EPDR1: variants seen among roughly 807,000 people sequenced by gnomAD.
EPDR1 encodes the protein mammalian ependymin-related protein 1.
EPDR1 carries 27 observed loss-of-function variants against 23.7 expected under a neutral mutation model. The observed-to-expected ratio is 1.14, with a 90% CI of 0.84 to 1.57. The LOEUF (loss-of-function observed/expected upper bound fraction) is 1.57. Ranked by LOEUF, EPDR1 falls within the 40% of genes most tolerant of loss-of-function variation. The pLI is 0.00. For missense variants in EPDR1, 349 were observed against 290.4 expected, an observed-to-expected ratio of 1.20 and a Z score of -1.47; for synonymous variants, 137 against 118.2, an observed-to-expected ratio of 1.16 and a Z score of -1.03.
At position 37,921,070 on chromosome 7, in the gene EPDR1, C is replaced by A. The variant is rs1785686689; in HGVS notation, c.131C>A (p.Ala44Glu). 6.4e-7 allele frequency: 1 copy of A among 1,563,872 alleles called. No individual in the cohort carries two copies. The highest frequency in any genetic ancestry group is 8.6e-7 in the Non-Finnish European group (1 of 1,161,094). ...GAVGAPRPCQ[A>E]PQQWEGRQVM... The stretch of plus-strand genomic sequence containing the variant: ...GTGGGAGCCCCGCGCCCGTGCCAGG[C>A]GCCGCAGCAGTGGGAGGGGCGCCAG... The change falls in exon 1 of 3, where the codon GCG (alanine) becomes GAG (glutamate). Residue 44 changes from alanine (A) to glutamate (E), a missense_variant. Ala to Glu is a moderately radical substitution (Grantham distance 107). Transcript: ENST00000199448.
chr7:37,920,716 G>T lies in EPDR1; in HGVS notation c.-224G>T. The T allele has an allele frequency of 3.1e-6, 5 of 1,607,202 alleles. No homozygotes were observed. Among genetic ancestry groups the T allele is most frequent in the Non-Finnish European group, 4.3e-6 (5 of 1,176,214 alleles). ...AGTGGCCCAGGCAGAAATAGCTCCC[G>T]CGCGATTCACTGGAGCCTTCCCCGG... is the stretch of plus-strand genomic sequence containing the variant. On this transcript the variant is annotated 5_prime_UTR_variant, in exon 1 of 3. Coordinates refer to ENST00000199448, the MANE Select transcript of EPDR1 (RefSeq NM_017549.5).
intron 1 of EPDR1, among the ~76,000 whole-genome samples, chr7:37,935,991 G>T: frequency 1.9e-5 from 1 of 52,040 alleles, no homozygotes; most frequent in Non-Finnish European, 3.8e-5. Flanking sequence ...AGCAAATCAT[G>T]GCATATATAT....
At chr7:37,943,266 A>G (rs1786206243) in intron 1 of EPDR1, among the ~76,000 whole-genome samples, 1 of 152,202 alleles carries the variant, frequency 6.6e-6, no homozygotes, top group African/African-American at 2.4e-5. Flanking sequence ...GGTGCCTCTC[A>G]TCTCACAATT....
Position 37,949,013 on chromosome 7 carries a change from T to C in EPDR1, c.443T>C (p.Val148Ala). 1.9e-6 allele frequency: 3 copies of C among 1,614,162 alleles called. No homozygotes were observed. The highest frequency in any genetic ancestry group is 2.5e-6 in the Non-Finnish European group (3 of 1,180,024). Reference protein sequence around the residue: ...SIGGPQEQITVQEWSDRKSAR... With the variant: ...SIGGPQEQITAQEWSDRKSAR... ...GGGGGGCCTCAGGAGCAGATCACCG[T>C]CCAGGAGTGGTCGGACAGAAAGTCA... Residue 148 changes from valine to alanine, a missense_variant, in exon 2 of 3, where the codon GTC (valine) becomes GCC (alanine). By Grantham distance (64) the Val-to-Ala change is moderately conservative. Coordinates refer to ENST00000199448, the MANE Select transcript of EPDR1 (RefSeq NM_017549.5).
rs1786102301 is a variant in EPDR1 at position 37,938,348 on chromosome 7, A to T, written c.270-10492A>T. ...AGAAGTCAGAGGGAGCCAAATCAGG[A>T]CTGTCAAGTGGATGATTAATGATTT... is the stretch of plus-strand genomic sequence containing the variant. On this transcript the variant is annotated intron_variant, in intron 1 of 2. Coordinates refer to ENST00000199448, the MANE Select transcript of EPDR1 (RefSeq NM_017549.5). 2.0e-5 allele frequency among the ~76,000 whole-genome samples: 3 copies of T among 152,252 alleles called. No homozygotes were observed. The South Asian group carries it at 6.2e-4, about 32-fold the overall frequency.
At chr7:37,938,165 T>G (rs1317876305) in intron 1 of EPDR1, among the ~76,000 whole-genome samples, 1 of 151,782 alleles carries the variant, frequency 6.6e-6, no homozygotes, top group Non-Finnish European at 1.5e-5. Context: ...TAATTTTTTG[T>G]ATTTTTAGTG....
At chr7:37,942,785 A>G (rs931963104) in intron 1 of EPDR1, among the ~76,000 whole-genome samples, 1 of 152,176 alleles carries the variant, frequency 6.6e-6, no homozygotes, top group Non-Finnish European at 1.5e-5. Flanking sequence ...GTTTTACTAA[A>G]AAAAAACTAT....
At chr7:37,930,681 G>A (rs903021977) in intron 1 of EPDR1, among the ~76,000 whole-genome samples, 4 of 152,192 alleles carry the variant, frequency 2.6e-5, no homozygotes, top group African/African-American at 9.7e-5. Flanking sequence ...CTCTCCTTAA[G>A]GAGTTAGGAA....
At chr7:37,942,578 G>A (rs535103291) in intron 1 of EPDR1, among the ~76,000 whole-genome samples, 1 of 152,190 alleles carries the variant, frequency 6.6e-6, no homozygotes, top group South Asian at 2.1e-4. Context: ...GTACATTTTT[G>A]TCACATGTAT....
At chr7:37,927,197 G>A (rs1583662530) in intron 1 of EPDR1, among the ~76,000 whole-genome samples, 1 of 152,254 alleles carries the variant, frequency 6.6e-6, no homozygotes, top group South Asian at 2.1e-4. Context: ...CTGCTACCAG[G>A]TCCTCTCAAT....
Position 37,921,253 on chromosome 7 carries a change from G to T in EPDR1, c.269+45G>T, listed in dbSNP as rs575597733. ...GGGGCGGGAGTAGGGAGCCGCGCGG[G>T]CATGGGGAGGGCGAGGTCGCAGAGG... is the stretch of plus-strand genomic sequence containing the variant. On this transcript the variant is annotated intron_variant, in intron 1 of 2. Coordinates refer to ENST00000199448, the MANE Select transcript of EPDR1 (RefSeq NM_017549.5). 7.2e-6 allele frequency: 11 copies of T among 1,536,790 alleles called. No homozygotes were observed. The South Asian group carries it at 1.3e-4, about 19-fold the overall frequency.
In EPDR1 at chr7:37,920,938, C is replaced by T. The variant is rs530778430; in HGVS notation, c.-2C>T. On this transcript the variant is annotated 5_prime_UTR_variant, in exon 1 of 3. Coordinates refer to ENST00000199448, the MANE Select transcript of EPDR1 (RefSeq NM_017549.5). ...CCCTCGGGCCGGGGAAGGCTGACCG[C>T]GATGCCAGGACGCGCTCCCCTCCGC... 72 of 1,607,782 alleles carry T rather than the reference C, an allele frequency of 4.5e-5. No homozygotes were observed. In the African/African-American group the frequency reaches 6.4e-4, roughly 14 times the overall value.
chr7:37,925,424 T>C (rs954657080), intron 1 of EPDR1, among the ~76,000 whole-genome samples: 1 of 152,228 alleles, frequency 6.6e-6, no homozygotes, highest in Non-Finnish European at 1.5e-5. Context: ...TATTAAGGAT[T>C]TGTATTTGTA....
At chr7:37,923,482 G>T (rs1387831858) in intron 1 of EPDR1, among the ~76,000 whole-genome samples, 2 of 152,032 alleles carry the variant, frequency 1.3e-5, no homozygotes, top group Non-Finnish European at 2.9e-5. Flanking sequence ...CTTGCAACAG[G>T]GCTTGACTTT....
chr7:37,929,069 C>T (rs1055999773), intron 1 of EPDR1, among the ~76,000 whole-genome samples: 2 of 152,168 alleles, frequency 1.3e-5, no homozygotes, highest in East Asian at 3.9e-4. Flanking sequence ...GGCCTCAGCA[C>T]GCTGACCCCA....
At chr7:37,933,245 C>A (rs1050192943) in intron 1 of EPDR1, among the ~76,000 whole-genome samples, 1 of 152,172 alleles carries the variant, frequency 6.6e-6, no homozygotes, top group African/African-American at 2.4e-5. Flanking sequence ...TATTATAGTG[C>A]GTATTAAACA....
At position 37,920,761 on chromosome 7, in the gene EPDR1, G is replaced by T; in HGVS notation, c.-179G>T. On this transcript the variant is annotated 5_prime_UTR_variant, in exon 1 of 3. Coordinates refer to ENST00000199448, the MANE Select transcript of EPDR1 (RefSeq NM_017549.5). Reference sequence around the variant, plus strand: ...CCCCGGGCCCTGGTCCCGGCTACCGGGACTCGCGCGTCCGGATCTCAAAAG... The same window carrying T: ...CCCCGGGCCCTGGTCCCGGCTACCGTGACTCGCGCGTCCGGATCTCAAAAG... 6.2e-7 allele frequency: 1 copy of T among 1,609,626 alleles called. No individual in the cohort carries two copies. Among genetic ancestry groups the T allele is most frequent in the Non-Finnish European group, 8.5e-7 (1 of 1,177,740 alleles).
chr7:37,921,136 T>G lies in EPDR1; in HGVS notation c.197T>G (p.Leu66Arg). Residue 66 changes from leucine (L) to arginine (R), a missense_variant, in exon 1 of 3, where the codon CTG (leucine) becomes CGG (arginine). Leu to Arg is a moderately radical substitution (Grantham distance 102). Coordinates refer to ENST00000199448, the MANE Select transcript of EPDR1 (RefSeq NM_017549.5). The stretch of plus-strand genomic sequence containing the variant: ...AGTAGCGGGCGCAACAGCCGCGCCC[T>G]GCTCTCCTACGACGGGCTCAACCAG... ...QQSSGRNSRALLSYDGLNQRV... is the reference protein window; with the variant it reads ...QQSSGRNSRARLSYDGLNQRV... 1 of 1,596,274 alleles carries G rather than the reference T, an allele frequency of 6.3e-7. No homozygotes were observed. Among genetic ancestry groups the G allele is most frequent in the Non-Finnish European group, 8.5e-7 (1 of 1,178,780 alleles).
chr7:37,949,140 A>G, intron 2 of EPDR1, 92 bp downstream of exon 2: 1 of 1,271,766 alleles, frequency 7.9e-7, no homozygotes, highest in South Asian at 1.4e-5. Context: ...TTAGGGAAAC[A>G]TCCGCTTAAT....
Sources: allele counts gnomAD v4.1 joint callset (sites outside exome capture counted in the v4.1 genomes callset), GRCh38; gene constraint gnomAD v4.1.1; transcripts MANE v1.5; gene names NCBI Gene and HGNC (gene_info 2026-07-23, HGNC 2026-07-21).